Variants in SLC43A2 observed in about 807,000 individuals in gnomAD.
SLC43A2 encodes large neutral amino acids transporter small subunit 4.
SLC43A2 carries 38 observed loss-of-function variants against 63.2 expected under a neutral mutation model. The observed-to-expected ratio is 0.60, with a 90% CI of 0.46 to 0.79. The LOEUF (loss-of-function observed/expected upper bound fraction) is 0.79. Ranked by LOEUF, SLC43A2 falls within the 30% of genes least tolerant of loss-of-function variation. The probability of loss-of-function intolerance (pLI) is 0.00; values close to 1 mark genes in which losing one functional copy is unlikely to be tolerated. For synonymous variants in SLC43A2, 322 were observed against 331.0 expected (o/e 0.97, Z 0.30); for missense variants, 644 against 756.2 (o/e 0.85, Z 1.74).
At chr17:1,627,360 GTTTA>G (rs1908747587) in intron 2 of SLC43A2, among the ~76,000 whole-genome samples, 1 of 152,142 alleles carries the variant, frequency 6.6e-6, no homozygotes, top group Non-Finnish European at 1.5e-5. Flanking sequence ...ACAGCAACAT[GTTTA>G]CTACCAGCCA....
At chr17:1,591,170 C>T (rs545031523) in intron 8 of SLC43A2, 99 bp downstream of exon 8, 9 of 1,467,462 alleles carry the variant, frequency 6.1e-6, no homozygotes, top group Admixed American at 5.8e-5. Flanking sequence ...ACAGGGCGGG[C>T]GGGGCCGCCT....
At position 1,615,123 on chromosome 17, in the gene SLC43A2, C is replaced by G. The variant is rs1389538540; in HGVS notation, c.369-89G>C. 3 of 1,505,114 alleles carry G rather than the reference C, an allele frequency of 2.0e-6. No homozygotes were observed. The African/African-American group carries it at 4.2e-5, about 21-fold the overall frequency. 93.2% of individuals were successfully genotyped at this position (1,505,114 alleles called of 1,614,324 possible). On this transcript the variant is annotated intron_variant, in intron 3 of 13. Coordinates refer to ENST00000301335, the MANE Select transcript of SLC43A2 (RefSeq NM_152346.3). ...TTTTTGTTTTTGGTTTTTGGTTTTT[C>G]TTGAGACAGAGCCTTGCTCTGTCAC...
At position 1,591,306 on chromosome 17, in the gene SLC43A2, G is replaced by A. The variant is rs551059107; in HGVS notation, c.894C>T (p.Thr298=). The part of the protein sequence containing the change: ...LQEGHKLCLS[T]VDLEVKCQPD... The stretch of plus-strand genomic sequence containing the variant: ...GCTGGCACTTCACCTCCAGGTCGAC[G>A]GTGGACAGGCACAGCTTGTGGCCCT... The change falls in exon 8 of 14, where the codon ACC becomes ACT. Residue 298 remains threonine (T), a synonymous_variant. Coordinates refer to ENST00000301335, the MANE Select transcript of SLC43A2 (RefSeq NM_152346.3). 60 of 1,607,356 alleles carry A rather than the reference G, an allele frequency of 3.7e-5. No homozygotes were observed. In the East Asian group the frequency reaches 5.6e-4, roughly 15 times the overall value.
At chr17:1,598,959 T>C (rs1487082764) in intron 5 of SLC43A2, among the ~76,000 whole-genome samples, 1 of 152,244 alleles carries the variant, frequency 6.6e-6, no homozygotes, top group African/African-American at 2.4e-5. Context: ...GCAGGGCCAT[T>C]CCTTAGGGAG....
intron 5 of SLC43A2, among the ~76,000 whole-genome samples, chr17:1,611,790 G>A (rs184650457): frequency 6.0e-4 from 91 of 152,240 alleles, no homozygotes; most frequent in African/African-American, 1.9e-3. Context: ...CTTTTTCACC[G>A]GTAAACTGAT....
At chr17:1,594,120 C>T (rs1047125864) in intron 5 of SLC43A2, among the ~76,000 whole-genome samples, 6 of 152,102 alleles carry the variant, frequency 3.9e-5, no homozygotes, top group South Asian at 2.1e-4. Flanking sequence ...CCACCGCGCC[C>T]GGCCTCCTGC....
At chr17:1,611,026 G>A (rs1461514533) in intron 5 of SLC43A2, among the ~76,000 whole-genome samples, 1 of 151,814 alleles carries the variant, frequency 6.6e-6, no homozygotes. Flanking sequence ...TATTTTAGTA[G>A]AGACGGGGTT....
chr17:1,591,724 TGGGGGGGGGA>T lies in SLC43A2; in HGVS notation c.595-35_595-26del, dbSNP rs758302259. ...GCTGACAGGCACCGCGGGGACGGGG[TGGGGGGGGGA>T]GGGGGCAGAGTTAGCCCGGGGAGGC... is the stretch of plus-strand genomic sequence containing the variant. On this transcript the variant is annotated intron_variant, in intron 6 of 13. Coordinates refer to ENST00000301335, the MANE Select transcript of SLC43A2 (RefSeq NM_152346.3). 2.6e-3 allele frequency: 568 copies of T among 220,268 alleles called. 84 individuals carry two copies. The Middle Eastern group carries it at 0.04, about 16-fold the overall frequency. 13.6% of individuals were successfully genotyped at this position (220,268 alleles called of 1,614,324 possible).
At chr17:1,610,860 G>A (rs1263857013) in intron 5 of SLC43A2, among the ~76,000 whole-genome samples, 1 of 146,972 alleles carries the variant, frequency 6.8e-6, no homozygotes, top group Non-Finnish European at 1.5e-5. Flanking sequence ...TTTTTTTTGA[G>A]GGGGAGTCTT....
At chr17:1,581,845 GC>G (rs2076019753) in intron 11 of SLC43A2, among the ~76,000 whole-genome samples, 1 of 145,278 alleles carries the variant, frequency 6.9e-6, no homozygotes, top group African/African-American at 2.6e-5. Context: ...TCACTCTGTC[GC>G]CCAGGCTGGA....
At chr17:1,615,780 T>G (rs1427183630) in intron 3 of SLC43A2, among the ~76,000 whole-genome samples, 1 of 146,798 alleles carries the variant, frequency 6.8e-6, no homozygotes, top group African/African-American at 2.5e-5. Context: ...GAGGCGGAGC[T>G]CGCAGTGAGC....
intron 5 of SLC43A2, among the ~76,000 whole-genome samples, chr17:1,597,286 CAAGAT>C (rs1905385060): frequency 6.6e-6 from 1 of 151,016 alleles, no homozygotes; most frequent in Non-Finnish European, 1.5e-5. Context: ...GGGCAGATCA[CAAGAT>C]CAGGAGTTCA....
intron 8 of SLC43A2, 96 bp from the exon 9 acceptor site, chr17:1,591,044 C>A: frequency 1.4e-6 from 2 of 1,402,678 alleles, no homozygotes; most frequent in Non-Finnish European, 1.9e-6. Flanking sequence ...CAGGAGGGGG[C>A]CCTCGGGACG....
chr17:1,592,991 C>T (rs7213112), intron 6 of SLC43A2, among the ~76,000 whole-genome samples, 196 bp downstream of exon 6: 1 of 152,340 alleles, frequency 6.6e-6, no homozygotes, highest in South Asian at 2.1e-4. Flanking sequence ...CCTGCAGCCA[C>T]ATGCGTGATT....
chr17:1,586,833 G>T, intron 9 of SLC43A2: 2 of 1,124,946 alleles, frequency 1.8e-6, no homozygotes, highest in Non-Finnish European at 2.4e-6. Context: ...TACCCCCACG[G>T]CTCTAGCCAG....
rs745479523 is a variant in SLC43A2, at chr17:1,571,589, A to T, written c.*4015T>A. 6.6e-6 allele frequency: 1 copy of T among 152,184 alleles called. No homozygotes were observed. Among genetic ancestry groups the T allele is most frequent in the Non-Finnish European group, 1.5e-5 (1 of 68,070 alleles). The allele number at this position is 152,184 out of a possible 1,614,324, so 9.4% of individuals were successfully genotyped here. ...TGAGCCCAATACTGGATGTCCCGCC[A>T]TTTTCAGCCCTGGGGCCTATGGCAA... On this transcript the variant is annotated 3_prime_UTR_variant, in exon 14 of 14. Coordinates refer to ENST00000301335, the MANE Select transcript of SLC43A2 (RefSeq NM_152346.3). The surrounding 1 kb of genome is among the most constrained non-coding windows in gnomAD (Gnocchi z 5.2).
At position 1,581,104 on chromosome 17, in the gene SLC43A2, C is replaced by T. The variant is rs72820316; in HGVS notation, c.1350+2100G>A. 6.1e-3 allele frequency among the ~76,000 whole-genome samples: 924 copies of T among 152,148 alleles called. 1 individual carries two copies. Among genetic ancestry groups the T allele is most frequent in the Non-Finnish European group, 9.8e-3 (666 of 67,996 alleles). ...GCCTTGTCTTCTGTACACAGCCCTG[C>T]CATCCCGCTCAGCAGCCAGGACCTG... On this transcript the variant is annotated intron_variant, in intron 11 of 13. Transcript: ENST00000301335.
At chr17:1,626,411 G>T (rs186550604) in intron 2 of SLC43A2, among the ~76,000 whole-genome samples, 1 of 152,092 alleles carries the variant, frequency 6.6e-6, no homozygotes, top group Non-Finnish European at 1.5e-5. Context: ...GCTGATGTGG[G>T]GAAAGACCTG....
chr17:1,604,579 G>C (rs1257400582), intron 5 of SLC43A2: 4 of 718,232 alleles, frequency 5.6e-6, no homozygotes, highest in Non-Finnish European at 9.2e-6. Flanking sequence ...CATCAACACA[G>C]CACGCTATTG....
Sources: gnomAD v4.1 joint callset for allele counts (sites outside exome capture counted in the v4.1 genomes callset) on GRCh38, gnomAD v4.1.1 for gene constraint, Gnocchi (gnomAD v3.1) non-coding constraint, MANE v1.5 for transcripts, NCBI Gene and HGNC (gene_info 2026-07-23, HGNC 2026-07-21) for gene names.